CDKAL1: variants seen among roughly 807,000 people sequenced by gnomAD.
The protein encoded by CDKAL1 is threonylcarbamoyladenosine tRNA methylthiotransferase.
In CDKAL1, 32 loss-of-function variants were observed where a neutral mutation model predicts 68.2. That is an observed-to-expected ratio of 0.47 (90% confidence interval 0.35 to 0.63). The LOEUF is 0.63. Among genes scored for constraint, CDKAL1 ranks in the 30% least tolerant of loss-of-function variants. CDKAL1 has a pLI of 0.00. For synonymous variants in CDKAL1, 234 were observed against 244.3 expected (o/e 0.96, Z 0.39); for missense variants, 606 against 696.7 (o/e 0.87, Z 1.47).
Position 21,146,484 on chromosome 6 carries a change from A to G in CDKAL1, c.1299+38021A>G, listed in dbSNP as rs957875994. Among the ~76,000 whole-genome samples the G allele has an allele frequency of 2.6e-5, 4 of 152,144 alleles. No homozygotes were observed. The South Asian group carries it at 6.2e-4, about 24-fold the overall frequency. On this transcript the variant is annotated intron_variant, in intron 13 of 15. Transcript: ENST00000274695. ...AGCCAATTGGACCTTAAGGTTAAAC[A>G]TTGGAGAGAGGAGGAAAACTCTTTT...
At chr6:20,967,663 A>G (rs1765386831) in intron 10 of CDKAL1, among the ~76,000 whole-genome samples, 1 of 152,178 alleles carries the variant, frequency 6.6e-6, no homozygotes, top group Non-Finnish European at 1.5e-5. Flanking sequence ...AAAAACCACA[A>G]TTATACTGTC....
In CDKAL1 at chr6:20,802,315, C is replaced by CAATAATAAT. The variant is rs55851833; in HGVS notation, c.638+21072_638+21080dup. Among the ~76,000 whole-genome samples the CAATAATAAT allele has an allele frequency of 5.5e-3, 640 of 115,458 alleles. 5 individuals are homozygous for CAATAATAAT. The highest frequency in any genetic ancestry group is 0.026 in the South Asian group (95 of 3,594). The allele number at this position is 115,458 out of a possible 152,430, so 75.7% of individuals were successfully genotyped here. On this transcript the variant is annotated intron_variant, in intron 8 of 15. Coordinates refer to ENST00000274695, the MANE Select transcript of CDKAL1 (RefSeq NM_017774.3). ...CCGTCTCAAAAAACAACAACAACAA[C>CAATAATAAT]AATAATAATAATAATAATAATAATA... is the stretch of plus-strand genomic sequence containing the variant.
intron 2 of CDKAL1, among the ~76,000 whole-genome samples, chr6:20,544,827 G>A (rs1037454674): frequency 6.6e-6 from 1 of 151,968 alleles, no homozygotes; most frequent in African/African-American, 2.4e-5. Flanking sequence ...TCGGTTGGTT[G>A]GTTTGAATGT....
intron 2 of CDKAL1, among the ~76,000 whole-genome samples, chr6:20,536,777 A>G (rs1763188948): frequency 2.0e-5 from 3 of 152,220 alleles, no homozygotes; most frequent in African/African-American, 4.8e-5. Context: ...GTTTGAGACC[A>G]GCCTGGACAA....
chr6:20,961,636 G>A (rs962543116), intron 10 of CDKAL1, among the ~76,000 whole-genome samples: 7 of 151,884 alleles, frequency 4.6e-5, no homozygotes, highest in African/African-American at 1.5e-4. Flanking sequence ...GTGTGGTGGC[G>A]GGTGCCTGTA....
At chr6:20,568,809 C>G (rs997705987) in intron 4 of CDKAL1, among the ~76,000 whole-genome samples, 2 of 151,304 alleles carry the variant, frequency 1.3e-5, no homozygotes, top group Non-Finnish European at 2.9e-5. Context: ...ACATTTTTAA[C>G]TTCACTCCTC....
At chr6:20,654,616 G>C (rs1006002725) in intron 5 of CDKAL1, among the ~76,000 whole-genome samples, 1 of 152,052 alleles carries the variant, frequency 6.6e-6, no homozygotes, top group Non-Finnish European at 1.5e-5. Context: ...AGAGTTGACT[G>C]TTATTATTTT....
intron 9 of CDKAL1, among the ~76,000 whole-genome samples, chr6:20,874,387 T>G (rs1027335395): frequency 1.3e-5 from 2 of 152,176 alleles, no homozygotes; most frequent in Non-Finnish European, 2.9e-5. Flanking sequence ...CATTGCAACT[T>G]CCGCCTCCTG....
intron 5 of CDKAL1, among the ~76,000 whole-genome samples, chr6:20,674,658 T>A (rs1770005208): frequency 6.6e-6 from 1 of 152,216 alleles, no homozygotes; most frequent in South Asian, 2.1e-4. Context: ...GTCACCCTAC[T>A]GTGCTGTAGA....
chr6:21,150,928 A>G (rs1307345469), intron 13 of CDKAL1, among the ~76,000 whole-genome samples: 2 of 152,242 alleles, frequency 1.3e-5, no homozygotes, highest in Non-Finnish European at 2.9e-5. Flanking sequence ...CCTGCCTGAA[A>G]CATGGTTTAA....
chr6:20,609,379 TC>T (rs1766501170), intron 4 of CDKAL1, among the ~76,000 whole-genome samples: 2 of 103,290 alleles, frequency 1.9e-5, no homozygotes, highest in African/African-American at 7.3e-5. Flanking sequence ...TTCTCCTTCT[TC>T]TTCTTCTTCT....
chr6:20,613,755 A>T (rs1766759073), intron 4 of CDKAL1, among the ~76,000 whole-genome samples: 1 of 151,578 alleles, frequency 6.6e-6, no homozygotes. Context: ...CAAAACTGCT[A>T]CAGTGATACC....
At chr6:20,853,611 A>G (rs1759159042) in intron 9 of CDKAL1, among the ~76,000 whole-genome samples, 2 of 152,326 alleles carry the variant, frequency 1.3e-5, no homozygotes, top group South Asian at 2.1e-4. Flanking sequence ...AATGTTCTCA[A>G]TCTGGCCATT....
At chr6:21,105,851 A>G (rs1030056550) in intron 12 of CDKAL1, among the ~76,000 whole-genome samples, 1 of 152,242 alleles carries the variant, frequency 6.6e-6, no homozygotes, top group African/African-American at 2.4e-5. Context: ...CCTATGATGG[A>G]CAAGAAATAA....
At chr6:20,588,588 TC>T (rs1435614004) in intron 4 of CDKAL1, among the ~76,000 whole-genome samples, 2 of 152,272 alleles carry the variant, frequency 1.3e-5, no homozygotes, top group Non-Finnish European at 2.9e-5. Context: ...CCTCTAGCAC[TC>T]CTACGTTCGG....
At chr6:21,199,893 A>G (rs985748696) in intron 14 of CDKAL1, among the ~76,000 whole-genome samples, 1 of 152,212 alleles carries the variant, frequency 6.6e-6, no homozygotes, top group African/African-American at 2.4e-5. Flanking sequence ...CAGTGTACTC[A>G]GTGGTCATAA....
rs1773678448 is a variant in CDKAL1 at position 21,103,354 on chromosome 6, A to T, written c.1237-5047A>T. On this transcript the variant is annotated intron_variant, in intron 12 of 15. Transcript: ENST00000274695. ...AAATTGGAATGATTACATTGTCTGG[A>T]AACCTGAACTGTTAAAAATACTCTC... is the stretch of plus-strand genomic sequence containing the variant. Among the ~76,000 whole-genome samples, 4 of 152,096 alleles carry T rather than the reference A, an allele frequency of 2.6e-5. No homozygotes were observed. The South Asian group carries it at 8.3e-4, about 32-fold the overall frequency.
At chr6:20,608,400 G>A (rs971684315) in intron 4 of CDKAL1, among the ~76,000 whole-genome samples, 10 of 152,112 alleles carry the variant, frequency 6.6e-5, no homozygotes, top group African/African-American at 2.4e-4. Context: ...TTCTAAGTGA[G>A]TGTGACTTTG....
chr6:20,602,212 A>C (rs745536423), intron 4 of CDKAL1, among the ~76,000 whole-genome samples: 1 of 152,186 alleles, frequency 6.6e-6, no homozygotes, highest in Non-Finnish European at 1.5e-5. Flanking sequence ...GTATGGGGGC[A>C]CATATTTGAA....
Sources: gnomAD v4.1 joint callset for allele counts (sites outside exome capture counted in the v4.1 genomes callset) on GRCh38, gnomAD v4.1.1 for gene constraint, MANE v1.5 for transcripts, NCBI Gene and HGNC (gene_info 2026-07-23, HGNC 2026-07-21) for gene names.